Variants in SNX17 observed in about 807,000 individuals in gnomAD.
SNX17 encodes sorting nexin 17, also known as sorting nexin-17.
Under a neutral mutation model 64.3 loss-of-function variants are expected in SNX17, and 35 were observed. The observed-to-expected ratio is 0.54, with a 90% CI of 0.42 to 0.72. The LOEUF is 0.72. Among genes scored for constraint, SNX17 ranks in the 30% least tolerant of loss-of-function variants. The pLI is 0.00. For synonymous variants in SNX17, 259 were observed against 230.2 expected (o/e 1.13, Z -1.13); for missense variants, 538 against 610.0 (o/e 0.88, Z 1.24).
chr2:27,376,185 T>A lies in SNX17; in HGVS notation c.1182+2T>A. On this transcript the variant is annotated splice_donor_variant, in intron 12 of 14. Coordinates refer to ENST00000233575, the MANE Select transcript of SNX17 (RefSeq NM_014748.4). LOFTEE classifies it high-confidence loss of function. ...AAATCTGGCGGCAGTATCAGGAAGGTAGGCAGCAAGTGTGGACTGAGCAGT... is the reference window on the plus strand; with the variant it reads ...AAATCTGGCGGCAGTATCAGGAAGGAAGGCAGCAAGTGTGGACTGAGCAGT... The A allele has an allele frequency of 6.2e-7, 1 of 1,614,062 alleles. No homozygotes were observed. The highest frequency in any genetic ancestry group is 8.5e-7 in the Non-Finnish European group (1 of 1,179,982).
chr2:27,373,118 G>C (rs1682807112), intron 3 of SNX17, 129 bp from the exon 4 acceptor site: 5 of 1,587,998 alleles, frequency 3.1e-6, no homozygotes, highest in East Asian at 2.3e-5. Context: ...AGTGAGGTGA[G>C]GCCAGCTGGG....
chr2:27,376,891 G>A lies in SNX17; in HGVS notation c.*172G>A, dbSNP rs941122604. On this transcript the variant is annotated 3_prime_UTR_variant, in exon 15 of 15. Coordinates refer to ENST00000233575, the MANE Select transcript of SNX17 (RefSeq NM_014748.4). ...CTACCTTTCCTTGTCCCCTGGGCTG[G>A]CTGCACAGAGGATTGCCCCTTCTCT... 1.6e-6 allele frequency: 1 copy of A among 614,098 alleles called. No individual in the cohort carries two copies. Among genetic ancestry groups the A allele is most frequent in the Non-Finnish European group, 2.9e-6 (1 of 348,222 alleles). The allele number at this position is 614,098 out of a possible 1,614,324, so 38.0% of individuals were successfully genotyped here. A position where few individuals can be genotyped will look rare whatever the true frequency, so the allele number is the denominator to read the frequency against.
chr2:27,372,677 T>C lies in SNX17; in HGVS notation c.193T>C (p.Phe65Leu), dbSNP rs1682755002. The C allele has an allele frequency of 6.2e-7, 1 of 1,614,140 alleles. No homozygotes were observed. Among genetic ancestry groups the C allele is most frequent in the Admixed American group, 1.7e-5 (1 of 60,012 alleles). ...VLPAFPPKKL[F>L]SLTPAEVEQR... ...TCCTGCATTCCCCCCAAAGAAGCTT[T>C]TCTCTCTGACTCCTGCTGAGGTAGA... The change falls in exon 3 of 15, where the codon TTC (phenylalanine) becomes CTC (leucine). Residue 65 changes from phenylalanine (F) to leucine (L), a missense_variant. By Grantham distance (22) the Phe-to-Leu change is conservative. Transcript: ENST00000233575.
At position 27,375,965 on chromosome 2, in the gene SNX17, C is replaced by T. The variant is rs778846698; in HGVS notation, c.1098C>T (p.Ser366=). The change falls in exon 11 of 15, where the codon AGC becomes AGT. Residue 366 remains serine (S), a synonymous_variant. Coordinates refer to ENST00000233575, the MANE Select transcript of SNX17 (RefSeq NM_014748.4). This position sits in a 1 kb window ranked among gnomAD's most constrained non-coding sequence, Gnocchi z 4.1. ...KDRLQWVTIT[S]PQAIMMSICL... is the part of the protein sequence containing the mutation. ...GGCTACAGTGGGTCACCATCACTAG[C>T]CCCCAGGTGTGAACCTACCCTCAGC... The T allele has an allele frequency of 1.2e-6, 2 of 1,614,038 alleles. No individual in the cohort carries two copies. The highest frequency in any genetic ancestry group is 1.3e-5 in the African/African-American group (1 of 75,026).
In SNX17 at chr2:27,375,487, T is replaced by A. The variant is rs773177495; in HGVS notation, c.775-19T>A. The A allele has an allele frequency of 1.4e-5, 22 of 1,613,766 alleles. No homozygotes were observed. The Admixed American group carries it at 2.2e-4, about 16-fold the overall frequency. Reference sequence around the variant, plus strand: ...CATTCTCCCTCCTAATCTACCCCCATGTGATGACCATTTTTCAGTTCCTGA... The same window carrying A: ...CATTCTCCCTCCTAATCTACCCCCAAGTGATGACCATTTTTCAGTTCCTGA... On this transcript the variant is annotated intron_variant, in intron 9 of 14. Transcript: ENST00000233575. This position sits in a 1 kb window ranked among gnomAD's most constrained non-coding sequence, Gnocchi z 4.1.
chr2:27,376,686 C>T lies in SNX17; in HGVS notation c.1380C>T (p.Phe460=), dbSNP rs762837877. 30 of 1,614,080 alleles carry T rather than the reference C, an allele frequency of 1.9e-5. No individual in the cohort carries two copies. Among genetic ancestry groups the T allele is most frequent in the Admixed American group, 1.3e-4 (8 of 60,002 alleles). The change falls in exon 15 of 15, where the codon TTC becomes TTT. Residue 460 remains phenylalanine, a synonymous_variant. Coordinates refer to ENST00000233575, the MANE Select transcript of SNX17 (RefSeq NM_014748.4). ...DASASDVHGN[F]AFEGIGDEDL is the part of the protein sequence containing the mutation. ...GTGCCAGTGATGTCCACGGCAATTT[C>T]GCCTTCGAGGGCATTGGAGATGAGG...
Position 27,375,264 on chromosome 2 carries a change from G to A in SNX17, c.774+111G>A, listed in dbSNP as rs964400508. ...TGCCATTCTCCCGCCTCAGCCTCCC[G>A]AGTAGCTGGGACTACAGGCACCCGC... On this transcript the variant is annotated intron_variant, in intron 9 of 14. Coordinates refer to ENST00000233575, the MANE Select transcript of SNX17 (RefSeq NM_014748.4). This position sits in a 1 kb window ranked among gnomAD's most constrained non-coding sequence, Gnocchi z 4.1. The A allele has an allele frequency of 2.8e-5, 30 of 1,058,816 alleles. No homozygotes were observed. The highest frequency in any genetic ancestry group is 3.7e-5 in the Non-Finnish European group (27 of 724,264). The allele number at this position is 1,058,816 out of a possible 1,614,324, so 65.6% of individuals were successfully genotyped here.
chr2:27,376,341 T>C lies in SNX17; in HGVS notation c.1211T>C (p.Leu404Pro). The C allele has an allele frequency of 2.5e-6, 4 of 1,612,688 alleles. No individual in the cohort carries two copies. Among genetic ancestry groups the C allele is most frequent in the Non-Finnish European group, 3.4e-6 (4 of 1,178,996 alleles). The change falls in exon 13 of 15, where the codon CTG becomes CCG. Residue 404 changes from leucine to proline, a missense_variant. Physicochemically the swap from Leu to Pro is moderately conservative, Grantham distance 98 (BLOSUM62 -3). Coordinates refer to ENST00000233575, the MANE Select transcript of SNX17 (RefSeq NM_014748.4). ...CTGCGCCGGCGGGTGGGGGGTACTC[T>C]GAGACGCTCAGACAGCCAGCAAGCA... ...KMLRRRVGGTLRRSDSQQAVK... is the reference protein window; with the variant it reads ...KMLRRRVGGTPRRSDSQQAVK...
At chr2:27,374,849 C>T in intron 8 of SNX17, 91 bp downstream of exon 8, 2 of 1,280,130 alleles carry the variant, frequency 1.6e-6, no homozygotes, top group South Asian at 2.4e-5. Context: ...TCTTTGTTCC[C>T]AATTTGTGGG....
In SNX17 at chr2:27,373,240, C is replaced by T. The variant is rs750540470; in HGVS notation, c.257-7C>T. ...GTTCCTGTAATAATGTTCTCTTGTC[C>T]TCGTAGTTCGGCAAGACCCATTGCT... On this transcript the variant is annotated splice_polypyrimidine_tract_variant and splice_region_variant and intron_variant, in intron 3 of 14. Transcript: ENST00000233575. 3.7e-6 allele frequency: 6 copies of T among 1,614,096 alleles called. No homozygotes were observed. The highest frequency in any genetic ancestry group is 5.1e-6 in the Non-Finnish European group (6 of 1,179,972).
chr2:27,371,165 T>C, intron 1 of SNX17, 104 bp from the exon 2 acceptor site: 1 of 1,014,702 alleles, frequency 9.9e-7, no homozygotes, highest in Non-Finnish European at 1.5e-6. Context: ...CTCGGGAGAT[T>C]AGCGCGTTAC....
chr2:27,372,383 TC>T (rs1682709402), intron 2 of SNX17, among the ~76,000 whole-genome samples: 1 of 152,150 alleles, frequency 6.6e-6, no homozygotes, highest in African/African-American at 2.4e-5. Context: ...GTACAAATCC[TC>T]CCCGTACTGT....
chr2:27,370,698 G>A lies in SNX17; in HGVS notation c.-46G>A. ...CGGAGGGGGAGCGTGCAGAGCCGCT[G>A]CGGCCCTCACAGTCCGGAGCCCGGC... On this transcript the variant is annotated 5_prime_UTR_variant, in exon 1 of 15. Transcript: ENST00000233575. 1 of 1,517,478 alleles carries A rather than the reference G, an allele frequency of 6.6e-7. No homozygotes were observed. Among genetic ancestry groups the A allele is most frequent in the South Asian group, 1.2e-5 (1 of 81,494 alleles). The allele number at this position is 1,517,478 out of a possible 1,614,324, so 94.0% of individuals were successfully genotyped here. A position where few individuals can be genotyped will look rare whatever the true frequency, so the allele number is the denominator to read the frequency against.
intron 1 of SNX17, 81 bp downstream of exon 1, chr2:27,370,887 C>T: frequency 1.4e-6 from 2 of 1,446,872 alleles, no homozygotes; most frequent in Non-Finnish European, 1.8e-6. Context: ...GCCTCTGAGG[C>T]CTGACCGCCA....
intron 2 of SNX17, chr2:27,371,605 G>T: frequency 2.0e-6 from 1 of 500,686 alleles, no homozygotes; most frequent in Non-Finnish European, 3.0e-6. Flanking sequence ...CTTTACCCCT[G>T]CATGGACAAA....
Position 27,375,748 on chromosome 2 carries a change from G to A in SNX17, c.978+39G>A, listed in dbSNP as rs115786236. Reference sequence around the variant, plus strand: ...GGAGGGGGAAGGGCCTGGGTTGGGGGCCCGGCAAGCCTTGAGCTTAGGTAT... The same window carrying A: ...GGAGGGGGAAGGGCCTGGGTTGGGGACCCGGCAAGCCTTGAGCTTAGGTAT... On this transcript the variant is annotated intron_variant, in intron 10 of 14. Transcript: ENST00000233575. The surrounding 1 kb of genome is among the most constrained non-coding windows in gnomAD (Gnocchi z 4.1). 6,210 of 1,611,926 alleles carry A rather than the reference G, an allele frequency of 3.9e-3. 208 individuals carry two copies. In the African/African-American group the frequency reaches 0.071, roughly 18 times the overall value.
intron 13 of SNX17, 24 bp from the exon 14 acceptor site, chr2:27,376,455 A>C: frequency 6.2e-7 from 1 of 1,613,998 alleles, no homozygotes. Flanking sequence ...TGAGTTTCTG[A>C]CACCTCTGCC....
intron 4 of SNX17, 31 bp downstream of exon 4, chr2:27,373,342 G>A: frequency 6.2e-7 from 1 of 1,611,184 alleles, no homozygotes; most frequent in African/African-American, 1.3e-5. Context: ...AAGATTTAAG[G>A]AAAGGACCTT....
chr2:27,373,243 G>C lies in SNX17; in HGVS notation c.257-4G>C, dbSNP rs548646479. The C allele has an allele frequency of 5.0e-6, 8 of 1,614,020 alleles. No individual in the cohort carries two copies. The South Asian group carries it at 6.6e-5, about 13-fold the overall frequency. On this transcript the variant is annotated splice_polypyrimidine_tract_variant and splice_region_variant and intron_variant, in intron 3 of 14. Coordinates refer to ENST00000233575, the MANE Select transcript of SNX17 (RefSeq NM_014748.4). The stretch of plus-strand genomic sequence containing the variant: ...CCTGTAATAATGTTCTCTTGTCCTC[G>C]TAGTTCGGCAAGACCCATTGCTTGG...
Sources: gnomAD v4.1 joint callset for allele counts (sites outside exome capture counted in the v4.1 genomes callset) on GRCh38, gnomAD v4.1.1 for gene constraint, Gnocchi (gnomAD v3.1) non-coding constraint, MANE v1.5 for transcripts, NCBI Gene and HGNC (gene_info 2026-07-23, HGNC 2026-07-21) for gene names.